The following CALD1 variants were observed in gnomAD, a reference collection of about 807,000 sequenced individuals.
CALD1 encodes caldesmon.
A neutral mutation model predicts 99.9 loss-of-function variants in CALD1; 33 were observed. That is an observed-to-expected ratio of 0.33 (90% confidence interval 0.25 to 0.44). The LOEUF (loss-of-function observed/expected upper bound fraction) is 0.44, where lower values mean the gene tolerates loss of function less well. Among genes scored for constraint, CALD1 ranks in the 20% least tolerant of loss-of-function variants. CALD1 has a pLI of 1.00. For synonymous variants in CALD1, 310 were observed against 325.0 expected, an observed-to-expected ratio of 0.95 and a Z score of 0.50; for missense variants, 861 against 962.1, an observed-to-expected ratio of 0.89 and a Z score of 1.39.
Position 134,835,555 on chromosome 7 carries a change from T to A in CALD1, c.-129-8329T>A, listed in dbSNP as rs567805775. Among the ~76,000 whole-genome samples, 6 of 152,280 alleles carry A rather than the reference T, an allele frequency of 3.9e-5. No individual in the cohort carries two copies. The South Asian group carries it at 6.2e-4, about 16-fold the overall frequency. ...AGCATACTTTAAACAAACAAGAACATATTATAAATAGGAACATGAAATGAA... is the reference window on the plus strand; with the variant it reads ...AGCATACTTTAAACAAACAAGAACAAATTATAAATAGGAACATGAAATGAA... On this transcript the variant is annotated intron_variant, in intron 1 of 14. Coordinates refer to ENST00000361675, the MANE Select transcript of CALD1 (RefSeq NM_033138.4).
intron 2 of CALD1, among the ~76,000 whole-genome samples, chr7:134,856,764 A>C (rs1800321265): frequency 6.6e-6 from 1 of 152,250 alleles, no homozygotes; most frequent in African/African-American, 2.4e-5. Flanking sequence ...ACTACAAATC[A>C]GAATATAAAA....
At chr7:134,873,606 G>T (rs948206493) in intron 3 of CALD1, among the ~76,000 whole-genome samples, 1 of 152,220 alleles carries the variant, frequency 6.6e-6, no homozygotes. Flanking sequence ...TGCTCTATAT[G>T]AATGAGGCAA....
intron 1 of CALD1, among the ~76,000 whole-genome samples, chr7:134,768,021 C>G (rs1051074887): frequency 3.3e-5 from 5 of 152,188 alleles, no homozygotes; most frequent in Non-Finnish European, 7.3e-5. Context: ...TTTCTCTAAG[C>G]TTAGAGCAAA....
intron 1 of CALD1, among the ~76,000 whole-genome samples, chr7:134,823,025 C>A (rs1007983098): frequency 1.3e-5 from 2 of 152,160 alleles, no homozygotes; most frequent in South Asian, 2.1e-4. Flanking sequence ...AAAATGACTT[C>A]TCCGTGGGTC....
intron 3 of CALD1, among the ~76,000 whole-genome samples, chr7:134,913,993 T>C (rs1263808102): frequency 1.3e-5 from 2 of 152,174 alleles, no homozygotes; most frequent in East Asian, 1.9e-4. Context: ...GATTTTGTAA[T>C]TACTTTTATG....
At chr7:134,760,033 G>A (rs557478576) in intron 1 of CALD1, among the ~76,000 whole-genome samples, 1 of 152,304 alleles carries the variant, frequency 6.6e-6, no homozygotes, top group East Asian at 1.9e-4. Context: ...GATATGTGCA[G>A]GGGAAAGTTT....
At chr7:134,813,546 A>G (rs1563046) in intron 1 of CALD1, among the ~76,000 whole-genome samples, 93,648 of 151,964 alleles carry the variant, frequency 0.62, 29,274 homozygotes, top group East Asian at 0.95. Flanking sequence ...CAAACTATCC[A>G]GATTCAGCTG....
intron 1 of CALD1, among the ~76,000 whole-genome samples, chr7:134,802,647 A>G (rs529504246): frequency 1.3e-5 from 2 of 152,348 alleles, no homozygotes; most frequent in African/African-American, 4.8e-5. Context: ...ATCCTAGCTT[A>G]CCTTAAATGT....
At chr7:134,831,161 T>C (rs1799202744) in intron 1 of CALD1, among the ~76,000 whole-genome samples, 1 of 152,034 alleles carries the variant, frequency 6.6e-6, no homozygotes, top group Non-Finnish European at 1.5e-5. Flanking sequence ...ATATGTATAA[T>C]ATAATAAGTG....
At chr7:134,857,392 C>T (rs137900223) in intron 2 of CALD1, among the ~76,000 whole-genome samples, 1,854 of 151,644 alleles carry the variant, frequency 0.012, 41 homozygotes, top group African/African-American at 0.042. Flanking sequence ...CTCCCGGCCT[C>T]GTGATCCGCC....
intron 3 of CALD1, among the ~76,000 whole-genome samples, chr7:134,880,184 G>A (rs1212829497): frequency 6.6e-6 from 1 of 152,094 alleles, no homozygotes; most frequent in African/African-American, 2.4e-5. Flanking sequence ...GGGTCTTTTT[G>A]TCCAGTGGGA....
chr7:134,934,089 ATTT>A lies in CALD1; in HGVS notation c.1308+14_1308+16del. 6.3e-7 allele frequency: 1 copy of A among 1,593,296 alleles called. No individual in the cohort carries two copies. Among genetic ancestry groups the A allele is most frequent in the Non-Finnish European group, 8.5e-7 (1 of 1,172,300 alleles). On this transcript the variant is annotated intron_variant, in intron 5 of 14. Coordinates refer to ENST00000361675, the MANE Select transcript of CALD1 (RefSeq NM_033138.4). ...TCCTAAAGAAACAGGTACAGTAAAC[ATTT>A]TGCACCAAATGTGTGATGCCTGTGA...
At chr7:134,748,718 C>CT (rs1180158049) in intron 1 of CALD1, among the ~76,000 whole-genome samples, 4 of 143,566 alleles carry the variant, frequency 2.8e-5, no homozygotes, top group Non-Finnish European at 6.1e-5. Context: ...TCCCCCCGCC[C>CT]CCCAAAAAAA....
intron 1 of CALD1, among the ~76,000 whole-genome samples, chr7:134,774,561 G>A (rs1289924671): frequency 6.6e-6 from 1 of 152,198 alleles, no homozygotes; most frequent in Non-Finnish European, 1.5e-5. Context: ...CTGGTTGTGT[G>A]GGGTAGAGGA....
the CALD1 span, among the ~76,000 whole-genome samples, chr7:134,727,672 C>A: frequency 6.6e-6 from 1 of 152,226 alleles, no homozygotes; most frequent in Admixed American, 6.5e-5. Flanking sequence ...CCTTCACATG[C>A]CGGCTCAGGT....
Position 134,933,700 on chromosome 7 carries a change from G to A in CALD1, c.931G>A (p.Ala311Thr). 6.4e-7 allele frequency: 1 copy of A among 1,574,672 alleles called. No individual in the cohort carries two copies. Among genetic ancestry groups the A allele is most frequent in the Non-Finnish European group, 8.6e-7 (1 of 1,158,720 alleles). ...TGCCCAAGAAAGAGAAAGGAGAGAG[G>A]CAGAAGAGAGGGAAAGGATGAGGGA... Reference protein sequence around the residue: ...AAAQERERREAEERERMREEE... With the variant: ...AAAQERERRETEERERMREEE... The change falls in exon 5 of 15, where the codon GCA becomes ACA. Residue 311 changes from alanine (A) to threonine (T), a missense_variant. Physicochemically the swap from Ala to Thr is moderately conservative, Grantham distance 58. Coordinates refer to ENST00000361675, the MANE Select transcript of CALD1 (RefSeq NM_033138.4).
intron 3 of CALD1, among the ~76,000 whole-genome samples, chr7:134,916,855 A>G (rs1381354611): frequency 2.0e-5 from 3 of 152,252 alleles, no homozygotes; most frequent in Admixed American, 2.0e-4. Context: ...GATGAGTCGA[A>G]CTTCTAGATC....
intron 3 of CALD1, among the ~76,000 whole-genome samples, chr7:134,916,167 G>C: frequency 6.6e-6 from 1 of 152,166 alleles, no homozygotes; most frequent in East Asian, 1.9e-4. Context: ...GAGCCAACTG[G>C]ATGTTAGATA....
At chr7:134,968,234 C>A in intron 14 of CALD1, 106 bp from the exon 15 acceptor site, 1 of 842,874 alleles carries the variant, frequency 1.2e-6, no homozygotes, top group South Asian at 1.3e-5. Context: ...TCCTGCCATA[C>A]TATTATTCAT....
Sources: allele counts gnomAD v4.1 joint callset (sites outside exome capture counted in the v4.1 genomes callset), GRCh38; gene constraint gnomAD v4.1.1; transcripts MANE v1.5; gene names NCBI Gene and HGNC (gene_info 2026-07-23, HGNC 2026-07-21).